USH2A: variants seen among roughly 807,000 people sequenced by gnomAD.
USH2A encodes Usher syndrome 2A (autosomal recessive, mild).
In USH2A, 443 loss-of-function variants were observed where a neutral mutation model predicts 538.9. The ratio of observed to expected loss-of-function variants is 0.82; its 90% CI spans 0.76 to 0.89. The LOEUF (loss-of-function observed/expected upper bound fraction) is 0.89. Ranked by LOEUF, USH2A falls within the 40% of genes least tolerant of loss-of-function variation. The pLI is 0.00. For missense variants in USH2A, 6,633 were observed against 6,324.8 expected, an observed-to-expected ratio of 1.05 and a Z score of -1.65; for synonymous variants, 2,413 against 2,273.5, an observed-to-expected ratio of 1.06 and a Z score of -1.75.
At position 216,391,403 on chromosome 1, in the gene USH2A, C is replaced by T. The variant is rs1295602232; in HGVS notation, c.652-26318G>A. Among the ~76,000 whole-genome samples the T allele has an allele frequency of 2.6e-5, 4 of 152,170 alleles. No homozygotes were observed. In the East Asian group the frequency reaches 7.7e-4, roughly 29 times the overall value. On this transcript the variant is annotated intron_variant, in intron 3 of 71. Coordinates refer to ENST00000307340, the MANE Select transcript of USH2A (RefSeq NM_206933.4). The stretch of plus-strand genomic sequence containing the variant: ...ACTGGTCATAGATGCCCCAAGATCT[C>T]ATCACATTACTTTACCATCTGCCAG...
At position 215,738,211 on chromosome 1, in the gene USH2A, G is replaced by A. The variant is rs116057653; in HGVS notation, c.11711+3164C>T. On this transcript the variant is annotated intron_variant, in intron 60 of 71. Transcript: ENST00000307340. ...AGGTTGCAGATATAAAATAAAGGGGGAATACTGAAGAATCATTATCATACC... is the reference window on the plus strand; with the variant it reads ...AGGTTGCAGATATAAAATAAAGGGGAAATACTGAAGAATCATTATCATACC... Among the ~76,000 whole-genome samples, 1,151 of 152,106 alleles carry A rather than the reference G, an allele frequency of 7.6e-3. 23 individuals carry two copies. Among genetic ancestry groups the A allele is most frequent in the African/African-American group, 0.026 (1,081 of 41,538 alleles).
At chr1:216,153,711 T>C (rs1375410748) in intron 21 of USH2A, among the ~76,000 whole-genome samples, 2 of 152,122 alleles carry the variant, frequency 1.3e-5, no homozygotes, top group Non-Finnish European at 2.9e-5. Context: ...GCATATTAGA[T>C]ATAAGGGGAA....
rs114027059 is a variant in USH2A, at chr1:215,779,185, A to G, written c.10939+658T>C. 9.6e-3 allele frequency among the ~76,000 whole-genome samples: 1,462 copies of G among 152,330 alleles called. 27 individuals carry two copies. Among genetic ancestry groups the G allele is most frequent in the African/African-American group, 0.033 (1,388 of 41,568 alleles). ...GATGTGGTGGTGTGTTAGAGAACCT[A>G]TTCGAGCAAGTAAGTCAGAAAATGC... On this transcript the variant is annotated intron_variant, in intron 55 of 71. Transcript: ENST00000307340.
At chr1:215,743,073 G>A (rs1191955814) in intron 59 of USH2A, 104 bp downstream of exon 59, 31 of 1,400,996 alleles carry the variant, frequency 2.2e-5, no homozygotes, top group Admixed American at 1.4e-4. Flanking sequence ...GAAGTGAAAC[G>A]TTAGTCTTTA....
chr1:216,049,298 G>A (rs913768483), intron 30 of USH2A, among the ~76,000 whole-genome samples: 1 of 152,172 alleles, frequency 6.6e-6, no homozygotes, highest in Non-Finnish European at 1.5e-5. Flanking sequence ...TTAAACGGAA[G>A]TGTTACACGT....
chr1:215,838,581 A>G (rs1663593672), intron 46 of USH2A, among the ~76,000 whole-genome samples: 1 of 152,202 alleles, frequency 6.6e-6, no homozygotes, highest in African/African-American at 2.4e-5. Context: ...AAGCCTTCCA[A>G]TATGGCTGAG....
chr1:215,939,879 G>A (rs1222962960), intron 37 of USH2A, among the ~76,000 whole-genome samples: 2 of 152,040 alleles, frequency 1.3e-5, no homozygotes, highest in Non-Finnish European at 2.9e-5. Flanking sequence ...TGGGAAAGAG[G>A]TGACATGAAC....
intron 34 of USH2A, among the ~76,000 whole-genome samples, chr1:215,998,293 G>T (rs78192320): frequency 0.014 from 2,202 of 151,998 alleles, 40 homozygotes; most frequent in African/African-American, 0.048. Context: ...TAATATCAAG[G>T]TCTTTTAAAA....
intron 38 of USH2A, among the ~76,000 whole-genome samples, chr1:215,903,321 G>T (rs79230627): frequency 6.6e-6 from 1 of 152,056 alleles, no homozygotes; most frequent in African/African-American, 2.4e-5. Context: ...CAACGAGGGG[G>T]TAAAGGGCAG....
At chr1:215,977,865 C>T (rs1280409950) in intron 35 of USH2A, among the ~76,000 whole-genome samples, 2 of 152,164 alleles carry the variant, frequency 1.3e-5, no homozygotes, top group Non-Finnish European at 2.9e-5. Flanking sequence ...GTGGCTCATG[C>T]CTATAATCCC....
intron 44 of USH2A, among the ~76,000 whole-genome samples, chr1:215,866,522 A>G (rs1334424058): frequency 3.3e-5 from 5 of 152,208 alleles, no homozygotes; most frequent in African/African-American, 4.8e-5. Context: ...ACTGGGAAGA[A>G]TCTGTTCCAT....
chr1:215,660,518 C>T (rs1657407397), intron 64 of USH2A, among the ~76,000 whole-genome samples: 1 of 152,102 alleles, frequency 6.6e-6, no homozygotes, highest in Non-Finnish European at 1.5e-5. Context: ...CCCACACCTC[C>T]CTGTGTATCT....
Position 216,021,947 on chromosome 1 carries a change from G to T in USH2A, c.6326-21385C>A, listed in dbSNP as rs567764887. 4.6e-5 allele frequency among the ~76,000 whole-genome samples: 7 copies of T among 152,164 alleles called. No individual in the cohort carries two copies. In the South Asian group the frequency reaches 1.5e-3, roughly 32 times the overall value. On this transcript the variant is annotated intron_variant, in intron 32 of 71. Transcript: ENST00000307340. The stretch of plus-strand genomic sequence containing the variant: ...GGTCAGATCCCTCATGAGTGGCTTG[G>T]CATCATTCTCATGGGAGTGAATGAG...
chr1:215,916,669 A>C (rs929067848), intron 38 of USH2A, among the ~76,000 whole-genome samples: 4 of 152,130 alleles, frequency 2.6e-5, no homozygotes, highest in African/African-American at 9.7e-5. Context: ...TTTAATTAGA[A>C]TGGAAAAGAA....
At chr1:216,362,679 A>C (rs1340639713) in intron 4 of USH2A, among the ~76,000 whole-genome samples, 2 of 152,172 alleles carry the variant, frequency 1.3e-5, no homozygotes, top group East Asian at 3.9e-4. Flanking sequence ...GCGGTGGCTC[A>C]CGCCTGTAAT....
intron 21 of USH2A, among the ~76,000 whole-genome samples, chr1:216,131,594 A>G (rs1439405323): frequency 2.0e-5 from 3 of 152,098 alleles, no homozygotes; most frequent in Admixed American, 6.6e-5. Flanking sequence ...AATGATCAAC[A>G]TGATCAGTAA....
Position 216,046,443 on chromosome 1 carries a change from A to G in USH2A, c.6313T>C (p.Tyr2105His), listed in dbSNP as rs2030524278. 1 of 1,613,428 alleles carries G rather than the reference A, an allele frequency of 6.2e-7. No homozygotes were observed. The highest frequency in any genetic ancestry group is 1.1e-5 in the South Asian group (1 of 91,078). ...RLIYSGSEEN[Y>H]IVTDLAVFTP... is the part of the protein sequence containing the mutation. ...CTAGAGGTCTTACCTGTGACTATGTAGTTCTCCTCACTGCCTGAATAGATC... is the reference window on the plus strand; with the variant it reads ...CTAGAGGTCTTACCTGTGACTATGTGGTTCTCCTCACTGCCTGAATAGATC... Residue 2105 changes from tyrosine (Y) to histidine (H), a missense_variant, in exon 32 of 72, where the codon TAC (tyrosine) becomes CAC (histidine). Transcript: ENST00000307340.
intron 58 of USH2A, among the ~76,000 whole-genome samples, chr1:215,747,480 T>C (rs1397024225): frequency 1.3e-5 from 2 of 152,128 alleles, no homozygotes; most frequent in Non-Finnish European, 2.9e-5. Flanking sequence ...ATAATTAAAA[T>C]GAAATTTGAG....
chr1:216,389,682 T>A (rs2039067380), intron 3 of USH2A, among the ~76,000 whole-genome samples: 1 of 152,118 alleles, frequency 6.6e-6, no homozygotes, highest in Non-Finnish European at 1.5e-5. Context: ...AGAAAGTAAA[T>A]ATACATCTTA....
Sources: allele counts gnomAD v4.1 joint callset (sites outside exome capture counted in the v4.1 genomes callset), GRCh38; gene constraint gnomAD v4.1.1; transcripts MANE v1.5; gene names NCBI Gene and HGNC (gene_info 2026-07-23, HGNC 2026-07-21).